MALRD1: variants seen among roughly 807,000 people sequenced by gnomAD.
MALRD1 encodes the protein MAM and LDL-receptor class A domain-containing protein 1.
In MALRD1, 247 loss-of-function variants were observed where a neutral mutation model predicts 242.1. The observed-to-expected ratio is 1.02, with a 90% CI of 0.92 to 1.13. MALRD1 has a LOEUF of 1.13. MALRD1 is among the 50% of genes most tolerant of loss of function. MALRD1 has a pLI of 0.00. For synonymous variants in MALRD1, 995 were observed against 866.6 expected, an observed-to-expected ratio of 1.15 and a Z score of -2.60; for missense variants, 2,989 against 2,533.1, an observed-to-expected ratio of 1.18 and a Z score of -3.86.
chr10:19,359,743 G>A (rs1470838858), intron 26 of MALRD1, among the ~76,000 whole-genome samples: 6 of 130,734 alleles, frequency 4.6e-5, no homozygotes, highest in African/African-American at 1.8e-4. Flanking sequence ...AGGAGAGCTG[G>A]CTTTGATGAA....
At chr10:19,456,946 A>G (rs540421221) in intron 29 of MALRD1, among the ~76,000 whole-genome samples, 11 of 152,030 alleles carry the variant, frequency 7.2e-5, no homozygotes, top group African/African-American at 1.9e-4. Flanking sequence ...CTAAAAAAAC[A>G]AAACAAAACA....
chr10:19,590,302 A>G (rs1837699401), intron 33 of MALRD1, among the ~76,000 whole-genome samples: 1 of 148,018 alleles, frequency 6.8e-6, no homozygotes, highest in Non-Finnish European at 1.5e-5. Context: ...TATATATTAT[A>G]TATGTTATAT....
intron 19 of MALRD1, among the ~76,000 whole-genome samples, chr10:19,265,525 A>T (rs892885775): frequency 1.3e-5 from 2 of 151,802 alleles, no homozygotes; most frequent in African/African-American, 2.4e-5. Flanking sequence ...ATGTTTGTGA[A>T]TTTTCCAACT....
Position 19,712,970 on chromosome 10 carries a change from GT to G in MALRD1, c.6315-17732del, listed in dbSNP as rs567232684. On this transcript the variant is annotated intron_variant, in intron 38 of 39. Transcript: ENST00000454679. ...CTCTGTTTTTGTTTTTTTGTTTTTT[GT>G]TTTGTTTCCAATCCATTATACTCCA... Among the ~76,000 whole-genome samples, 372 of 151,856 alleles carry G rather than the reference GT, an allele frequency of 2.4e-3. 1 individual carries two copies. Among genetic ancestry groups the G allele is most frequent in the African/African-American group, 8.7e-3 (361 of 41,446 alleles).
chr10:19,391,557 C>G (rs937757049), intron 28 of MALRD1, among the ~76,000 whole-genome samples: 4 of 152,178 alleles, frequency 2.6e-5, no homozygotes, highest in African/African-American at 9.7e-5. Context: ...TATACACATT[C>G]GCTCCCTCTG....
At chr10:19,719,242 A>ATG (rs1589440761) in intron 38 of MALRD1, among the ~76,000 whole-genome samples, 2 of 119,738 alleles carry the variant, frequency 1.7e-5, no homozygotes, top group East Asian at 2.1e-4. Context: ...ATATATATAT[A>ATG]TATATATATA....
At chr10:19,128,676 A>G (rs17645752) in intron 8 of MALRD1, among the ~76,000 whole-genome samples, 8,499 of 152,250 alleles carry the variant, frequency 0.056, 247 homozygotes, top group South Asian at 0.12. Flanking sequence ...GAGATTCTGT[A>G]TTATGAGCTC....
At chr10:19,068,452 G>A (rs1343096772) in intron 2 of MALRD1, among the ~76,000 whole-genome samples, 1 of 152,024 alleles carries the variant, frequency 6.6e-6, no homozygotes, top group African/African-American at 2.4e-5. Flanking sequence ...CAGACTAGAT[G>A]GGTTTGAATC....
At chr10:19,237,609 T>C (rs1249308603) in intron 18 of MALRD1, among the ~76,000 whole-genome samples, 1 of 13,500 alleles carries the variant, frequency 7.4e-5, no homozygotes, top group Non-Finnish European at 1.1e-4. Flanking sequence ...ATTATAATTA[T>C]AATTATATAA....
chr10:19,463,022 AT>A (rs1836023547), intron 29 of MALRD1, among the ~76,000 whole-genome samples: 2 of 152,180 alleles, frequency 1.3e-5, no homozygotes, highest in African/African-American at 4.8e-5. Flanking sequence ...GCGTGGTTAA[AT>A]CATAAGGAAA....
chr10:19,680,148 T>C (rs189335177), intron 36 of MALRD1, among the ~76,000 whole-genome samples: 1 of 152,304 alleles, frequency 6.6e-6, no homozygotes, highest in African/African-American at 2.4e-5. Flanking sequence ...CAGATATCTA[T>C]CAGGTCCAGT....
intron 31 of MALRD1, among the ~76,000 whole-genome samples, chr10:19,522,150 GT>G (rs1402961198): frequency 6.6e-6 from 1 of 152,064 alleles, no homozygotes; most frequent in Non-Finnish European, 1.5e-5. Context: ...TTGCCTTTCA[GT>G]TTAGCATCAA....
intron 18 of MALRD1, among the ~76,000 whole-genome samples, chr10:19,211,049 C>T (rs778808667): frequency 6.6e-6 from 1 of 152,182 alleles, no homozygotes; most frequent in Non-Finnish European, 1.5e-5. Flanking sequence ...TTATCCACTT[C>T]AAATTAATTC....
chr10:19,485,906 T>C (rs1369495464), intron 29 of MALRD1, among the ~76,000 whole-genome samples: 1 of 151,952 alleles, frequency 6.6e-6, no homozygotes, highest in Non-Finnish European at 1.5e-5. Flanking sequence ...AAATTAGGGG[T>C]ATATTCAGTT....
At chr10:19,523,130 T>C (rs1299613141) in intron 31 of MALRD1, among the ~76,000 whole-genome samples, 7 of 152,160 alleles carry the variant, frequency 4.6e-5, no homozygotes. Flanking sequence ...TGTACTATAA[T>C]TATCTCTTAT....
chr10:19,699,203 T>TATAATAATA (rs149007944), intron 38 of MALRD1, among the ~76,000 whole-genome samples: 5,775 of 147,244 alleles, frequency 0.039, 336 homozygotes, highest in African/African-American at 0.13. Flanking sequence ...GAACTTAAAG[T>TATAATAATA]ATAATAATAA....
intron 19 of MALRD1, among the ~76,000 whole-genome samples, chr10:19,275,337 C>T (rs1840456598): frequency 6.6e-6 from 1 of 152,114 alleles, no homozygotes; most frequent in Non-Finnish European, 1.5e-5. Flanking sequence ...GGCTTCTGTC[C>T]TGCCCTGAAA....
Position 19,347,862 on chromosome 10 carries a change from C to A in MALRD1, c.3993C>A (p.Ser1331Arg). The A allele has an allele frequency of 6.4e-7, 1 of 1,550,398 alleles. No homozygotes were observed. The change falls in exon 25 of 40, where the codon AGC becomes AGA. Residue 1331 changes from serine (S) to arginine (R), a missense_variant. Ser to Arg is a moderately radical substitution (Grantham distance 110). Transcript: ENST00000454679. ...ACTTTGACTGGAACCTGAAAGCTAGCAGCATCCCTGCAGCAGGCACAGAGC... is the reference window on the plus strand; with the variant it reads ...ACTTTGACTGGAACCTGAAAGCTAGAAGCATCCCTGCAGCAGGCACAGAGC... ...DEDFDWNLKA[S>R]SIPAAGTEPA... is the part of the protein sequence containing the mutation.
At chr10:19,125,627 A>T (rs1396534505) in intron 7 of MALRD1, among the ~76,000 whole-genome samples, 1 of 148,668 alleles carries the variant, frequency 6.7e-6, no homozygotes, top group African/African-American at 2.5e-5. Context: ...TATATAGCCT[A>T]TTGTTATGAC....
Sources: gnomAD v4.1 joint callset for allele counts (sites outside exome capture counted in the v4.1 genomes callset) on GRCh38, gnomAD v4.1.1 for gene constraint, MANE v1.5 for transcripts, NCBI Gene and HGNC (gene_info 2026-07-23, HGNC 2026-07-21) for gene names.